The following TRIM66 variants were observed in gnomAD, a reference collection of about 807,000 sequenced individuals.
The protein encoded by TRIM66 is tripartite motif-containing protein 66.
A neutral mutation model predicts 148.2 loss-of-function variants in TRIM66; 99 were observed. That is an observed-to-expected ratio of 0.67 (90% CI 0.57 to 0.79). The LOEUF is 0.79. TRIM66 is among the 30% of genes least tolerant of loss of function. TRIM66 has a pLI of 0.00. For synonymous variants in TRIM66, 616 were observed against 635.9 expected, an observed-to-expected ratio of 0.97 and a Z score of 0.47; for missense variants, 1,666 against 1,697.9, an observed-to-expected ratio of 0.98 and a Z score of 0.33.
At chr11:8,660,824 A>C (rs1311503784) in intron 6 of TRIM66, among the ~76,000 whole-genome samples, 1 of 152,348 alleles carries the variant, frequency 6.6e-6, no homozygotes, top group South Asian at 2.1e-4. Context: ...TCAAGCAAGA[A>C]AAGGCATTTC....
intron 19 of TRIM66, 120 bp downstream of exon 19, chr11:8,621,525 C>T: frequency 7.3e-7 from 1 of 1,365,096 alleles, no homozygotes; most frequent in Non-Finnish European, 9.7e-7. Flanking sequence ...AACGTCTGGC[C>T]AAGCTGCAGC....
chr11:8,621,173 G>C lies in TRIM66; in HGVS notation c.3404C>G (p.Ala1135Gly). The change falls in exon 20 of 25, where the codon GCC becomes GGC. Residue 1135 changes from alanine (A) to glycine (G), a missense_variant. Around this residue, in one of 3 missense-constraint regions of TRIM66, gnomAD observed 1,431 missense variants for 1,412.4 expected, o/e 1.01. Coordinates refer to ENST00000646038, the MANE Select transcript of TRIM66 (RefSeq NM_001388022.1). Reference protein sequence around the residue: ...EHRLIPRTPGAKKGPPAPIEN... With the variant: ...EHRLIPRTPGGKKGPPAPIEN... ...TATTGGGGCTGGGGGGCCCTTCTTGGCTCCTGGGGTTCGAGGAATGAGTCT... is the reference window on the plus strand; with the variant it reads ...TATTGGGGCTGGGGGGCCCTTCTTGCCTCCTGGGGTTCGAGGAATGAGTCT... 1 of 1,551,680 alleles carries C rather than the reference G, an allele frequency of 6.4e-7. No individual in the cohort carries two copies. The highest frequency in any genetic ancestry group is 8.7e-7 in the Non-Finnish European group (1 of 1,146,972).
intron 14 of TRIM66, 36 bp downstream of exon 14, chr11:8,640,191 G>C (rs533377239): frequency 1.3e-6 from 2 of 1,534,542 alleles, no homozygotes; most frequent in East Asian, 4.9e-5. Flanking sequence ...TCCTACGATG[G>C]GCAGAATATG....
At chr11:8,657,341 G>A (rs951336150) in intron 6 of TRIM66, among the ~76,000 whole-genome samples, 1 of 152,308 alleles carries the variant, frequency 6.6e-6, no homozygotes, top group South Asian at 2.1e-4. Flanking sequence ...TCCCAACAGA[G>A]CAATAGCATC....
intron 15 of TRIM66, among the ~76,000 whole-genome samples, chr11:8,635,036 A>G (rs77774854): frequency 0.051 from 7,762 of 152,324 alleles, 270 homozygotes; most frequent in Non-Finnish European, 0.069. Flanking sequence ...CTCCCCAGCA[A>G]AGCCTCGGGC....
chr11:8,638,662 C>T lies in TRIM66; in HGVS notation c.2302G>A (p.Val768Met). The T allele has an allele frequency of 6.5e-7, 1 of 1,548,156 alleles. No homozygotes were observed. The highest frequency in any genetic ancestry group is 8.7e-7 in the Non-Finnish European group (1 of 1,145,952). Reference protein sequence around the residue: ...STIQHSSPNVVRKHSTSLSIM... With the variant: ...STIQHSSPNVMRKHSTSLSIM... Reference sequence around the variant, plus strand: ...ACAGGCTCCTTCAGTACCTTTCTCACCACATTTGGAGAGGAGTGCTGGATG... The same window carrying T: ...ACAGGCTCCTTCAGTACCTTTCTCATCACATTTGGAGAGGAGTGCTGGATG... The change falls in exon 15 of 25, where the codon GTG becomes ATG. Residue 768 changes from valine (V) to methionine (M), a missense_variant. Transcript: ENST00000646038.
intron 15 of TRIM66, among the ~76,000 whole-genome samples, chr11:8,632,545 C>T (rs1254253967): frequency 6.7e-6 from 1 of 148,886 alleles, no homozygotes; most frequent in Non-Finnish European, 1.5e-5. Context: ...AACCTCTCCA[C>T]CTCCTAAGTT....
intron 3 of TRIM66, among the ~76,000 whole-genome samples, chr11:8,675,698 G>C (rs568927698): frequency 2.0e-5 from 3 of 151,926 alleles, no homozygotes; most frequent in African/African-American, 7.2e-5. Flanking sequence ...TTGTCCTTTC[G>C]TGTAATACTG....
chr11:8,673,844 G>A (rs935574935), intron 4 of TRIM66, among the ~76,000 whole-genome samples: 15 of 152,096 alleles, frequency 9.9e-5, no homozygotes, highest in Non-Finnish European at 4.4e-5. Flanking sequence ...TTCAAATCTG[G>A]GTCTTGGTAA....
chr11:8,647,422 A>G (rs2036961787), intron 10 of TRIM66, among the ~76,000 whole-genome samples: 1 of 128,004 alleles, frequency 7.8e-6, no homozygotes, highest in African/African-American at 2.9e-5. Flanking sequence ...CATCAGTAAA[A>G]TGGAGAAAAT....
At chr11:8,664,953 TC>T (rs1283294767) in intron 6 of TRIM66, among the ~76,000 whole-genome samples, 1 of 152,030 alleles carries the variant, frequency 6.6e-6, no homozygotes, top group Non-Finnish European at 1.5e-5. Context: ...CAGCAACTGC[TC>T]GGCTCTGCCC....
chr11:8,682,304 G>A (rs908496940), intron 1 of TRIM66: 1 of 155,538 alleles, frequency 6.4e-6, no homozygotes, highest in African/African-American at 2.4e-5. Flanking sequence ...TGGGCACACT[G>A]AGGATTAAAG....
At chr11:8,662,877 G>T (rs2038351795) in intron 6 of TRIM66, among the ~76,000 whole-genome samples, 1 of 152,170 alleles carries the variant, frequency 6.6e-6, no homozygotes, top group Non-Finnish European at 1.5e-5. Flanking sequence ...GCCAGCATAT[G>T]GTAAGAGTCA....
chr11:8,679,064 A>G (rs1195710292), intron 3 of TRIM66: 1 of 152,228 alleles, frequency 6.6e-6, no homozygotes. Flanking sequence ...GTCACAGAGA[A>G]GGACACCCCT....
At chr11:8,681,000 C>G (rs954246987) in intron 1 of TRIM66, 2 of 152,164 alleles carry the variant, frequency 1.3e-5, no homozygotes, top group Non-Finnish European at 2.9e-5. Context: ...TTAGTAAGAG[C>G]AATTTCACTG....
chr11:8,678,848 CCTT>C (rs2039298621), intron 3 of TRIM66, among the ~76,000 whole-genome samples: 1 of 152,196 alleles, frequency 6.6e-6, no homozygotes, highest in African/African-American at 2.4e-5. Context: ...ATCACCAGGG[CCTT>C]CTTCAGGGTG....
intron 10 of TRIM66, 38 bp from the exon 11 acceptor site, chr11:8,646,599 T>G: frequency 6.7e-7 from 1 of 1,486,024 alleles, no homozygotes; most frequent in South Asian, 1.2e-5. Flanking sequence ...TAAGCTTTCC[T>G]CATGGACTAT....
intron 6 of TRIM66, among the ~76,000 whole-genome samples, chr11:8,669,634 C>A (rs2038811539): frequency 7.1e-6 from 1 of 140,184 alleles, no homozygotes; most frequent in African/African-American, 2.8e-5. Flanking sequence ...CAGAGTGAGA[C>A]CCTGTCTCAA....
chr11:8,654,081 C>T (rs1395154529), intron 6 of TRIM66, among the ~76,000 whole-genome samples: 1 of 152,154 alleles, frequency 6.6e-6, no homozygotes, highest in East Asian at 1.9e-4. Context: ...TACCAGATGC[C>T]CAAACATCAG....
Sources: gnomAD v4.1 joint callset for allele counts (sites outside exome capture counted in the v4.1 genomes callset) on GRCh38, gnomAD v4.1.1 for gene constraint, gnomAD v4.1.1 regional missense constraint, MANE v1.5 for transcripts, NCBI Gene and HGNC (gene_info 2026-07-23, HGNC 2026-07-21) for gene names.